Variants in DYM observed in about 807,000 individuals in gnomAD.
DYM encodes the protein dymeclin, also known as dyggve-Melchior-Clausen syndrome protein.
Under a neutral mutation model 93.1 loss-of-function variants are expected in DYM, and 78 were observed. The ratio of observed to expected loss-of-function variants is 0.84; its 90% CI spans 0.70 to 1.01. DYM has a LOEUF of 1.01. Among genes scored for constraint, DYM ranks in the 50% least tolerant of loss-of-function variants. The pLI, the probability that DYM is intolerant of heterozygous loss-of-function variation, is 0.00. For missense variants in DYM, 789 were observed against 845.0 expected, an observed-to-expected ratio of 0.93 and a Z score of 0.82; for synonymous variants, 321 against 319.7, an observed-to-expected ratio of 1.00 and a Z score of -0.04.
chr18:49,217,064 C>G (rs551470790), intron 13 of DYM, among the ~76,000 whole-genome samples: 2 of 152,280 alleles, frequency 1.3e-5, no homozygotes, highest in African/African-American at 4.8e-5. Context: ...CTTAAAGGAG[C>G]TGATGGAGCT....
At chr18:49,278,084 T>TA (rs201058025) in intron 10 of DYM, among the ~76,000 whole-genome samples, 1,611 of 151,464 alleles carry the variant, frequency 0.011, 28 homozygotes, top group African/African-American at 0.037. Flanking sequence ...ACAAAAGAGC[T>TA]AAAAAAAAAT....
chr18:49,313,169 A>C (rs1437111150), intron 8 of DYM, among the ~76,000 whole-genome samples: 1 of 152,048 alleles, frequency 6.6e-6, no homozygotes, highest in East Asian at 1.9e-4. Flanking sequence ...CTTGCTGATA[A>C]AACAGGTTGC....
intron 15 of DYM, among the ~76,000 whole-genome samples, chr18:49,120,138 T>A (rs2082259368): frequency 1.4e-5 from 2 of 138,252 alleles, no homozygotes; most frequent in African/African-American, 2.7e-5. Context: ...CAGAGATATA[T>A]CAAAATGGGA....
intron 3 of DYM, among the ~76,000 whole-genome samples, chr18:49,385,937 C>A (rs2068572141): frequency 1.3e-5 from 2 of 151,966 alleles, no homozygotes; most frequent in Admixed American, 1.3e-4. Flanking sequence ...TTAATCTACA[C>A]ATCTAAGAGA....
At chr18:49,156,975 G>A (rs1303053843) in intron 15 of DYM, among the ~76,000 whole-genome samples, 1 of 151,700 alleles carries the variant, frequency 6.6e-6, no homozygotes, top group Admixed American at 6.6e-5. Flanking sequence ...AAAAGCAGCT[G>A]GTTGACAGGA....
chr18:49,048,079 C>T (rs540545948), intron 17 of DYM: 1 of 152,402 alleles, frequency 6.6e-6, no homozygotes, highest in East Asian at 1.9e-4. Flanking sequence ...AAAGTGACAT[C>T]AGAGTTCTGG....
chr18:49,067,989 G>A (rs902600412), intron 17 of DYM, among the ~76,000 whole-genome samples: 3 of 152,122 alleles, frequency 2.0e-5, no homozygotes, highest in Non-Finnish European at 2.9e-5. Context: ...ATAGGTCAAT[G>A]AAAGAGAATT....
chr18:49,390,110 AGTTT>A (rs2069056274), intron 3 of DYM, among the ~76,000 whole-genome samples: 1 of 152,182 alleles, frequency 6.6e-6, no homozygotes, highest in African/African-American at 2.4e-5. Flanking sequence ...TTATCAACAT[AGTTT>A]GTTTTTAAAA....
chr18:49,079,409 A>T (rs908116632), intron 17 of DYM, among the ~76,000 whole-genome samples: 232 of 147,072 alleles, frequency 1.6e-3, no homozygotes, highest in African/African-American at 3.8e-3. Flanking sequence ...TTTTTTTTTT[A>T]TTTTTATTTT....
At chr18:49,442,025 C>T (rs1243335624) in intron 1 of DYM, among the ~76,000 whole-genome samples, 3 of 152,100 alleles carry the variant, frequency 2.0e-5, no homozygotes, top group Admixed American at 6.5e-5. Context: ...CTGAAGGATT[C>T]CTCTCAAGAG....
At chr18:49,138,180 G>A (rs1232238145) in intron 15 of DYM, among the ~76,000 whole-genome samples, 2 of 152,136 alleles carry the variant, frequency 1.3e-5, no homozygotes, top group Non-Finnish European at 2.9e-5. Context: ...AATAGTCACT[G>A]CTAACTCTAA....
chr18:49,121,301 G>T (rs901468900), intron 15 of DYM, among the ~76,000 whole-genome samples: 2 of 152,120 alleles, frequency 1.3e-5, no homozygotes, highest in African/African-American at 4.8e-5. Context: ...GCTTGGGAAT[G>T]AATTGCAAAC....
chr18:49,349,078 G>A (rs905947790), intron 6 of DYM, among the ~76,000 whole-genome samples: 2 of 151,218 alleles, frequency 1.3e-5, no homozygotes, highest in African/African-American at 4.9e-5. Flanking sequence ...CATGGTGGTG[G>A]GCGCCTGTAA....
intron 17 of DYM, among the ~76,000 whole-genome samples, chr18:49,044,648 G>A (rs1342913694): frequency 6.6e-6 from 1 of 152,228 alleles, no homozygotes; most frequent in Non-Finnish European, 1.5e-5. Flanking sequence ...TCACAATCCT[G>A]AGCCCTGACC....
intron 3 of DYM, among the ~76,000 whole-genome samples, chr18:49,390,540 C>T (rs1473772293): frequency 6.6e-6 from 1 of 151,842 alleles, no homozygotes; most frequent in Non-Finnish European, 1.5e-5. Context: ...CAGAGTCTCG[C>T]TCTGTCGCCC....
chr18:49,117,996 C>CTTTTTTTTTTTTTT (rs35936099), intron 16 of DYM, among the ~76,000 whole-genome samples: 1 of 53,468 alleles, frequency 1.9e-5, no homozygotes, highest in African/African-American at 1.0e-4. Context: ...TGTGCCCAGC[C>CTTTTTTTTTTTTTT]TTTTTTTTTT....
At position 49,292,626 on chromosome 18, in the gene DYM, C is replaced by CAAAA. The variant is rs2060235783; in HGVS notation, c.764-6011_764-6010insTTTT. On this transcript the variant is annotated intron_variant, in intron 8 of 17. Coordinates refer to ENST00000675505, the MANE Select transcript of DYM (RefSeq NM_001353214.3). ...AAAAAAAAAAAAAAAAAAAAAAAAACCCCCACAAAAACCTGTCCACCAGAA... is the reference window on the plus strand; with the variant it reads ...AAAAAAAAAAAAAAAAAAAAAAAAACAAAACCCCACAAAAACCTGTCCACCAGAA... Among the ~76,000 whole-genome samples, 11 of 31,956 alleles carry CAAAA rather than the reference C, an allele frequency of 3.4e-4. 1 individual carries two copies. In the South Asian group the frequency reaches 0.011, roughly 31 times the overall value. 21.0% of individuals were successfully genotyped at this position (31,956 alleles called of 152,430 possible). A position where few individuals can be genotyped will look rare whatever the true frequency, so the allele number is the denominator to read the frequency against.
chr18:49,205,908 G>C (rs1213030694), intron 14 of DYM: 2 of 164,596 alleles, frequency 1.2e-5, no homozygotes, highest in Non-Finnish European at 2.6e-5. Context: ...GGGTTGCTGT[G>C]AAACGAATTC....
intron 8 of DYM, among the ~76,000 whole-genome samples, chr18:49,297,747 A>G (rs1314693093): frequency 6.6e-6 from 1 of 152,186 alleles, no homozygotes; most frequent in African/African-American, 2.4e-5. Flanking sequence ...ATAAAATTTA[A>G]TTAGAAAAAA....
Sources: gnomAD v4.1 joint callset for allele counts (sites outside exome capture counted in the v4.1 genomes callset) on GRCh38, gnomAD v4.1.1 for gene constraint, MANE v1.5 for transcripts, NCBI Gene and HGNC (gene_info 2026-07-23, HGNC 2026-07-21) for gene names.